HCN1: variants seen among roughly 807,000 people sequenced by gnomAD.
HCN1 encodes the protein potassium/sodium hyperpolarization-activated cyclic nucleotide-gated channel 1.
In HCN1, 13 loss-of-function variants were observed where a neutral mutation model predicts 78.9. That is an observed-to-expected ratio of 0.16 (90% CI 0.11 to 0.26). HCN1 has a LOEUF of 0.26. Ranked by LOEUF, HCN1 falls within the 10% of genes least tolerant of loss-of-function variation. The pLI, the probability that HCN1 is intolerant of heterozygous loss-of-function variation, is 1.00. For missense variants in HCN1, 810 were observed against 1,154.3 expected (o/e 0.70, Z 4.32); for synonymous variants, 552 against 455.5 (o/e 1.21, Z -2.70).
intron 3 of HCN1, among the ~76,000 whole-genome samples, chr5:45,419,238 G>C (rs1356458708): frequency 2.0e-5 from 3 of 152,040 alleles, no homozygotes; most frequent in Non-Finnish European, 2.9e-5. Context: ...GGAAACACTG[G>C]AACAAGTTAC....
At chr5:45,287,377 A>G (rs187418407) in intron 6 of HCN1, among the ~76,000 whole-genome samples, 108 of 152,180 alleles carry the variant, frequency 7.1e-4, no homozygotes, top group Non-Finnish European at 1.4e-3. Context: ...TGAATAATTT[A>G]GTGTATGATA....
chr5:45,656,925 A>T (rs1448392091), intron 1 of HCN1, among the ~76,000 whole-genome samples: 1 of 151,956 alleles, frequency 6.6e-6, no homozygotes, highest in Non-Finnish European at 1.5e-5. Context: ...TCTATCTAGT[A>T]TATGTTCTTT....
chr5:45,357,712 G>A (rs1043805920), intron 4 of HCN1, among the ~76,000 whole-genome samples: 2 of 151,914 alleles, frequency 1.3e-5, no homozygotes, highest in African/African-American at 4.8e-5. Flanking sequence ...TTAGGAGTAG[G>A]GATCATGTTA....
Position 45,394,012 on chromosome 5 carries a change from G to C in HCN1, c.1230+2480C>G, listed in dbSNP as rs1015987301. On this transcript the variant is annotated intron_variant, in intron 4 of 7. Transcript: ENST00000303230. ...TTCCTTTTGAGAGAGAAGTTCCTCT[G>C]CTGTGAGTCCCTTTACAACCTCTTT... 4.6e-5 allele frequency among the ~76,000 whole-genome samples: 7 copies of C among 152,122 alleles called. No homozygotes were observed. In the East Asian group the frequency reaches 1.3e-3, roughly 29 times the overall value.
rs746392507 is a variant in HCN1 at position 45,262,254 on chromosome 5, G to A, written c.2340C>T (p.Thr780=). ...AGGCGGAGAGTGGCCTGACTTCCCG[G>A]GTCAGGTTGGTGTTGTGAAGCGCCT... ...STQALHNTNL[T]REVRPLSASQ... Residue 780 remains threonine, a synonymous_variant, in exon 8 of 8, where the codon ACC becomes ACT. Coordinates refer to ENST00000303230, the MANE Select transcript of HCN1 (RefSeq NM_021072.4). 20 of 1,613,898 alleles carry A rather than the reference G, an allele frequency of 1.2e-5. No individual in the cohort carries two copies. In the South Asian group the frequency reaches 2.0e-4, roughly 16 times the overall value.
intron 2 of HCN1, among the ~76,000 whole-genome samples, chr5:45,632,464 T>C (rs1450344392): frequency 1.3e-5 from 2 of 152,084 alleles, no homozygotes; most frequent in African/African-American, 4.8e-5. Context: ...TAAAAGTGGT[T>C]TTAAAAATTC....
chr5:45,438,389 G>A (rs1438715135), intron 3 of HCN1, among the ~76,000 whole-genome samples: 4 of 151,988 alleles, frequency 2.6e-5, no homozygotes, highest in African/African-American at 9.7e-5. Context: ...TCAGGAGATC[G>A]AGACCATACT....
intron 1 of HCN1, among the ~76,000 whole-genome samples, chr5:45,682,231 CA>C (rs1007267354): frequency 6.3e-5 from 9 of 143,186 alleles, no homozygotes; most frequent in Admixed American, 2.1e-4. Context: ...TATAGCAGCT[CA>C]AAAGAACTAA....
In HCN1 at chr5:45,394,173, A is replaced by G. The variant is rs1054542613; in HGVS notation, c.1230+2319T>C. ...ATCTGGACTCTGAATAATATCTGAC[A>G]ACATGTAAATAGTCTGCGAACGCTG... On this transcript the variant is annotated intron_variant, in intron 4 of 7. Transcript: ENST00000303230. Among the ~76,000 whole-genome samples, 3 of 152,162 alleles carry G rather than the reference A, an allele frequency of 2.0e-5. No individual in the cohort carries two copies. The East Asian group carries it at 5.8e-4, about 29-fold the overall frequency.
chr5:45,348,191 A>G (rs1173398439), intron 5 of HCN1, among the ~76,000 whole-genome samples: 2 of 152,336 alleles, frequency 1.3e-5, no homozygotes, highest in East Asian at 3.9e-4. Context: ...ACAAGCCAGA[A>G]GAGAGTGGGG....
intron 1 of HCN1, among the ~76,000 whole-genome samples, chr5:45,694,340 A>G (rs1320305893): frequency 6.6e-6 from 1 of 152,190 alleles, no homozygotes; most frequent in Admixed American, 6.5e-5. Context: ...CACTCTTTGC[A>G]TAGATCACGG....
At chr5:45,666,124 G>A (rs1373337081) in intron 1 of HCN1, among the ~76,000 whole-genome samples, 1 of 152,042 alleles carries the variant, frequency 6.6e-6, no homozygotes, top group African/African-American at 2.4e-5. Flanking sequence ...AACTTGTGTA[G>A]CCTATGAATC....
chr5:45,432,243 T>A lies in HCN1; in HGVS notation c.1011+29603A>T, dbSNP rs942242113. Among the ~76,000 whole-genome samples the A allele has an allele frequency of 9.9e-5, 15 of 152,142 alleles. 1 individual carries two copies. Among genetic ancestry groups the A allele is most frequent in the Admixed American group, 9.2e-4 (14 of 15,268 alleles). On this transcript the variant is annotated intron_variant, in intron 3 of 7. Transcript: ENST00000303230. ...ATTTGGCTCTCAGCTTGAATGTTGT[T>A]GGTGTATAGGAATGATATTAATTTT...
At chr5:45,388,515 C>T (rs1422644064) in intron 4 of HCN1, among the ~76,000 whole-genome samples, 12 of 152,040 alleles carry the variant, frequency 7.9e-5, no homozygotes, top group Admixed American at 7.9e-4. Context: ...GCAGCAGCAT[C>T]TGAGATCTTG....
chr5:45,273,284 A>C (rs1324515341), intron 6 of HCN1, among the ~76,000 whole-genome samples: 1 of 152,090 alleles, frequency 6.6e-6, no homozygotes, highest in Non-Finnish European at 1.5e-5. Context: ...CAGTGTCAGA[A>C]AGAGTGTGGC....
At chr5:45,457,758 G>A (rs1319869170) in intron 3 of HCN1, among the ~76,000 whole-genome samples, 2 of 152,060 alleles carry the variant, frequency 1.3e-5, no homozygotes, top group African/African-American at 4.8e-5. Flanking sequence ...AGGATAGAAG[G>A]GTGAAAGGGC....
intron 6 of HCN1, among the ~76,000 whole-genome samples, chr5:45,284,697 C>A (rs188997882): frequency 6.6e-6 from 1 of 152,070 alleles, no homozygotes; most frequent in African/African-American, 2.4e-5. Flanking sequence ...CAGCATGAAC[C>A]AGGCATATTT....
At chr5:45,366,305 T>C (rs1298982300) in intron 4 of HCN1, among the ~76,000 whole-genome samples, 1 of 151,816 alleles carries the variant, frequency 6.6e-6, no homozygotes, top group East Asian at 1.9e-4. Flanking sequence ...ATATTCACTA[T>C]CTGCAATAAA....
intron 2 of HCN1, among the ~76,000 whole-genome samples, chr5:45,547,840 C>T (rs951704213): frequency 6.6e-6 from 1 of 151,764 alleles, no homozygotes; most frequent in African/African-American, 2.4e-5. Context: ...CTAGAAATTG[C>T]CTTTCAGACT....
Sources: allele counts gnomAD v4.1 joint callset (sites outside exome capture counted in the v4.1 genomes callset), GRCh38; gene constraint gnomAD v4.1.1; transcripts MANE v1.5; gene names NCBI Gene and HGNC (gene_info 2026-07-23, HGNC 2026-07-21).